The following CELF2 variants were observed in gnomAD, a reference collection of about 807,000 sequenced individuals.
CELF2 encodes the protein CUGBP Elav-like family member 2.
A neutral mutation model predicts 62.6 loss-of-function variants in CELF2; 8 were observed. The ratio of observed to expected loss-of-function variants is 0.13; its 90% CI spans 0.07 to 0.23. The LOEUF (loss-of-function observed/expected upper bound fraction) is 0.23, where lower values mean the gene tolerates loss of function less well. CELF2 is among the 10% of genes least tolerant of loss of function. CELF2 has a pLI of 1.00. For synonymous variants in CELF2, 258 were observed against 250.0 expected, an observed-to-expected ratio of 1.03 and a Z score of -0.30; for missense variants, 333 against 671.0, an observed-to-expected ratio of 0.50 and a Z score of 5.56.
chr10:10,950,404 G>A (rs2048190037), intron 2 of CELF2, among the ~76,000 whole-genome samples: 1 of 152,164 alleles, frequency 6.6e-6, no homozygotes, highest in South Asian at 2.1e-4. Flanking sequence ...TTCACATGGG[G>A]ACCTGGATAA....
intron 4 of CELF2, among the ~76,000 whole-genome samples, chr10:11,254,157 A>G (rs895475856): frequency 1.5e-4 from 23 of 152,262 alleles, no homozygotes; most frequent in Non-Finnish European, 1.6e-4. Context: ...AGGGACCCTC[A>G]GAATGGGAAT....
intron 2 of CELF2, among the ~76,000 whole-genome samples, chr10:10,964,144 G>A (rs1592487845): frequency 6.6e-6 from 1 of 152,144 alleles, no homozygotes; most frequent in Admixed American, 6.5e-5. Flanking sequence ...GCAATTATTG[G>A]ACAAGTTTGT....
At chr10:10,464,273 C>T in the CELF2 span, among the ~76,000 whole-genome samples, 1 of 152,032 alleles carries the variant, frequency 6.6e-6, no homozygotes, top group African/African-American at 2.4e-5. Context: ...TGTTCTTATC[C>T]ACCGGTAACT....
chr10:10,757,319 C>T, the CELF2 span, among the ~76,000 whole-genome samples: 10 of 151,766 alleles, frequency 6.6e-5, no homozygotes, highest in South Asian at 4.2e-4. Flanking sequence ...ATTAGATGGG[C>T]GTTTTGGTGT....
the CELF2 span, among the ~76,000 whole-genome samples, chr10:10,539,402 G>C: frequency 6.6e-6 from 1 of 152,124 alleles, no homozygotes; most frequent in Non-Finnish European, 1.5e-5. Context: ...ATTAAACTTA[G>C]GGAGAATCTC....
chr10:10,728,468 A>T, the CELF2 span, among the ~76,000 whole-genome samples: 1 of 149,988 alleles, frequency 6.7e-6, no homozygotes, highest in Non-Finnish European at 1.5e-5. Context: ...AAAAAAAAAA[A>T]AAAAAAGAGA....
In CELF2 at chr10:11,156,955, A is replaced by G. The variant is rs566045264; in HGVS notation, c.75-8531A>G. 3.1e-4 allele frequency among the ~76,000 whole-genome samples: 47 copies of G among 152,216 alleles called. No individual in the cohort carries two copies. The highest frequency in any genetic ancestry group is 5.1e-4 in the Non-Finnish European group (35 of 68,046). ...GGTGTGCTGAATTTGAGGTGGTGCC[A>G]GAGTGTGCTGTGGGATTAGAGTTTA... On this transcript the variant is annotated intron_variant, in intron 1 of 12. Transcript: ENST00000633077. This position sits in a 1 kb window ranked among gnomAD's most constrained non-coding sequence, Gnocchi z 4.3.
the CELF2 span, among the ~76,000 whole-genome samples, chr10:10,586,941 A>G: frequency 9.2e-5 from 14 of 152,154 alleles, no homozygotes; most frequent in Non-Finnish European, 2.1e-4. Context: ...AGACCTAAAC[A>G]TGCCAGTGGA....
Position 11,334,772 on chromosome 10 carries a change from C to G in CELF2, c.*5719C>G, listed in dbSNP as rs981695442. The G allele has an allele frequency of 6.6e-6, 1 of 152,154 alleles. No individual in the cohort carries two copies. The highest frequency in any genetic ancestry group is 2.4e-5 in the African/African-American group (1 of 41,428). The allele number at this position is 152,154 out of a possible 1,614,324, so 9.4% of individuals were successfully genotyped here. ...CTCTCCACACCCACGAGGCCAAACC[C>G]GCATCATTACAGTCCAACTCTTCTT... On this transcript the variant is annotated 3_prime_UTR_variant, in exon 13 of 13. Transcript: ENST00000633077.
chr10:10,711,724 A>C, the CELF2 span, among the ~76,000 whole-genome samples: 42 of 152,222 alleles, frequency 2.8e-4, no homozygotes, highest in South Asian at 1.9e-3. Context: ...TCTACTAAAA[A>C]TACAAAAATT....
the CELF2 span, among the ~76,000 whole-genome samples, chr10:10,675,303 T>C: frequency 6.6e-6 from 1 of 152,212 alleles, no homozygotes; most frequent in Non-Finnish European, 1.5e-5. Flanking sequence ...CTTAACTGTT[T>C]CACTTGACTC....
the CELF2 span, among the ~76,000 whole-genome samples, chr10:10,712,018 A>G: frequency 6.6e-6 from 1 of 152,080 alleles, no homozygotes; most frequent in African/African-American, 2.4e-5. Flanking sequence ...CAACATCCCA[A>G]GGCCATCATT....
chr10:10,939,500 G>A lies in CELF2; in HGVS notation c.89+19501G>A, dbSNP rs1451757851. ...AGGGTTTCACCATGTTGGCCAGGCT[G>A]ATCTCAAACTCCTGACCTCAGGTGA... On this transcript the variant is annotated intron_variant, in intron 2 of 13. Transcript: ENST00000636488. Among the ~76,000 whole-genome samples, 3 of 152,092 alleles carry A rather than the reference G, an allele frequency of 2.0e-5. No homozygotes were observed. In the South Asian group the frequency reaches 6.2e-4, roughly 32 times the overall value.
chr10:10,562,787 A>ACCTCCCTGCCCTCCACAGCCTC, the CELF2 span, among the ~76,000 whole-genome samples: 1 of 138,602 alleles, frequency 7.2e-6, no homozygotes, highest in East Asian at 2.4e-4. Flanking sequence ...TACGGAGCCT[A>ACCTCCCTGCCCTCCACAGCCTC]CCTCCCTGCC....
chr10:10,852,120 T>A lies in CELF2; in HGVS notation c.53+53303T>A, dbSNP rs550461460. Among the ~76,000 whole-genome samples the A allele has an allele frequency of 2.6e-5, 4 of 152,362 alleles. No homozygotes were observed. The South Asian group carries it at 8.3e-4, about 32-fold the overall frequency. On this transcript the variant is annotated intron_variant, in intron 1 of 13. Transcript: ENST00000636488. ...TTGGTGTCTACTCAAGACAGAAGAA[T>A]TTATATTTCTATACAAATATGTATA...
intron 2 of CELF2, among the ~76,000 whole-genome samples, chr10:11,204,666 G>A (rs888434514): frequency 3.3e-5 from 5 of 152,192 alleles, no homozygotes; most frequent in Non-Finnish European, 7.3e-5. Flanking sequence ...GATCTCCTGC[G>A]CTTGATCCCC....
chr10:11,105,376 G>C (rs977456254), intron 1 of CELF2: 2 of 152,174 alleles, frequency 1.3e-5, no homozygotes, highest in South Asian at 4.1e-4. Flanking sequence ...CTATCCCAAA[G>C]TGGTGTTACG....
Position 11,314,718 on chromosome 10 carries a change from A to G in CELF2, c.1096+460A>G, listed in dbSNP as rs542011212. On this transcript the variant is annotated intron_variant, in intron 10 of 12. Transcript: ENST00000633077. This position sits in a 1 kb window ranked among gnomAD's most constrained non-coding sequence, Gnocchi z 5.3. ...CTTGGGAGTCTCCATTTGAGAATGG[A>G]AAGTTCTGGGTCAGATGATTCTTAA... The G allele has an allele frequency of 7.2e-5, 17 of 236,776 alleles. No individual in the cohort carries two copies. The highest frequency in any genetic ancestry group is 2.5e-4 in the African/African-American group (11 of 43,746). 14.7% of individuals were successfully genotyped at this position (236,776 alleles called of 1,614,324 possible). A position where few individuals can be genotyped will look rare whatever the true frequency, so the allele number is the denominator to read the frequency against.
At chr10:10,623,018 G>A in the CELF2 span, among the ~76,000 whole-genome samples, 2 of 143,562 alleles carry the variant, frequency 1.4e-5, no homozygotes, top group Admixed American at 1.5e-4. Context: ...CCCGGGAGGC[G>A]GAGCTTGCAG....
Sources: gnomAD v4.1 joint callset for allele counts (sites outside exome capture counted in the v4.1 genomes callset) on GRCh38, gnomAD v4.1.1 for gene constraint, Gnocchi (gnomAD v3.1) non-coding constraint, MANE v1.5 for transcripts, NCBI Gene and HGNC (gene_info 2026-07-23, HGNC 2026-07-21) for gene names.